PTPRR: variants seen among roughly 807,000 people sequenced by gnomAD.
PTPRR encodes receptor-type tyrosine-protein phosphatase R.
Under a neutral mutation model 77.2 loss-of-function variants are expected in PTPRR, and 38 were observed. The observed-to-expected ratio is 0.49, with a 90% CI of 0.38 to 0.65. The LOEUF (loss-of-function observed/expected upper bound fraction) is 0.65, where lower values mean the gene tolerates loss of function less well. Among genes scored for constraint, PTPRR ranks in the 30% least tolerant of loss-of-function variants. The probability of loss-of-function intolerance (pLI) is 0.00; values close to 1 mark genes in which losing one functional copy is unlikely to be tolerated. For missense variants in PTPRR, 744 were observed against 799.2 expected (o/e 0.93, Z 0.83); for synonymous variants, 299 against 283.1 (o/e 1.06, Z -0.57).
chr12:70,867,662 TCTTC>T (rs1892879683), intron 2 of PTPRR, among the ~76,000 whole-genome samples: 1 of 152,042 alleles, frequency 6.6e-6, no homozygotes, highest in East Asian at 1.9e-4. Flanking sequence ...CCAATGACTT[TCTTC>T]ACAGAATTGG....
intron 2 of PTPRR, among the ~76,000 whole-genome samples, chr12:70,831,259 T>C (rs1892207269): frequency 6.6e-6 from 1 of 152,232 alleles, no homozygotes; most frequent in South Asian, 2.1e-4. Context: ...TGAGTATTCA[T>C]TTTCATTTGT....
chr12:70,895,022 T>C (rs1893402547), intron 1 of PTPRR, among the ~76,000 whole-genome samples: 1 of 151,688 alleles, frequency 6.6e-6, no homozygotes, highest in African/African-American at 2.4e-5. Context: ...CTCATACTAT[T>C]ATATCGTGGA....
At chr12:70,757,326 A>G (rs1290492258) in intron 4 of PTPRR, among the ~76,000 whole-genome samples, 1 of 152,226 alleles carries the variant, frequency 6.6e-6, no homozygotes, top group Non-Finnish European at 1.5e-5. Context: ...ATTGAACAAC[A>G]ACAAAATTCC....
chr12:70,698,771 A>G (rs576948001), intron 7 of PTPRR, among the ~76,000 whole-genome samples: 8 of 152,206 alleles, frequency 5.3e-5, no homozygotes, highest in African/African-American at 1.9e-4. Flanking sequence ...ACTAATAGTG[A>G]CTCTTTTAGG....
At chr12:70,910,771 C>T (rs71454301) in intron 1 of PTPRR, among the ~76,000 whole-genome samples, 2,774 of 152,174 alleles carry the variant, frequency 0.018, 35 homozygotes, top group Non-Finnish European at 0.031. Flanking sequence ...AGAGACATGC[C>T]CAAATGCCCA....
At chr12:70,766,713 C>A (rs1466871648) in intron 2 of PTPRR, among the ~76,000 whole-genome samples, 1 of 151,312 alleles carries the variant, frequency 6.6e-6, no homozygotes, top group African/African-American at 2.4e-5. Context: ...ACATAATTGT[C>A]AGATTCACCA....
intron 6 of PTPRR, among the ~76,000 whole-genome samples, chr12:70,704,879 C>G (rs1298288912): frequency 1.3e-5 from 2 of 152,062 alleles, no homozygotes; most frequent in Non-Finnish European, 2.9e-5. Flanking sequence ...TTTATTTTGT[C>G]TTGGAACTGT....
intron 1 of PTPRR, among the ~76,000 whole-genome samples, chr12:70,903,860 T>C (rs1482701190): frequency 2.0e-5 from 3 of 151,890 alleles, no homozygotes; most frequent in Non-Finnish European, 4.4e-5. Flanking sequence ...AACTGGAATG[T>C]ATAAAGAACT....
At chr12:70,765,445 G>T (rs548552643) in intron 2 of PTPRR, among the ~76,000 whole-genome samples, 2 of 152,194 alleles carry the variant, frequency 1.3e-5, no homozygotes, top group Non-Finnish European at 1.5e-5. Flanking sequence ...CAAGGCAGCA[G>T]TGAGGCTGGG....
At chr12:70,853,414 T>C (rs533756982) in intron 2 of PTPRR, among the ~76,000 whole-genome samples, 196 of 152,310 alleles carry the variant, frequency 1.3e-3, no homozygotes, top group Non-Finnish European at 2.4e-3. Context: ...ACAACTAATA[T>C]GAAGAAAAAT....
chr12:70,784,484 G>GCC (rs1891278731), intron 2 of PTPRR, among the ~76,000 whole-genome samples: 1 of 152,170 alleles, frequency 6.6e-6, no homozygotes, highest in Non-Finnish European at 1.5e-5. Flanking sequence ...TCAGGGGCTA[G>GCC]CCAGAGCTCC....
intron 1 of PTPRR, among the ~76,000 whole-genome samples, chr12:70,912,764 A>C (rs1287661314): frequency 6.6e-6 from 1 of 152,196 alleles, no homozygotes; most frequent in Non-Finnish European, 1.5e-5. Flanking sequence ...GGCAAATATC[A>C]TTACTATAGT....
intron 6 of PTPRR, among the ~76,000 whole-genome samples, chr12:70,738,017 A>G (rs1565674942): frequency 6.6e-6 from 1 of 152,214 alleles, no homozygotes; most frequent in Admixed American, 6.5e-5. Flanking sequence ...CAGATACATC[A>G]GGACATTCTG....
At chr12:70,730,763 A>T (rs1227298070) in intron 6 of PTPRR, among the ~76,000 whole-genome samples, 1 of 151,802 alleles carries the variant, frequency 6.6e-6, no homozygotes, top group Non-Finnish European at 1.5e-5. Context: ...GTTTGAAGTT[A>T]CAGTGAGCTA....
chr12:70,857,804 G>A (rs181996792), intron 2 of PTPRR, among the ~76,000 whole-genome samples: 18 of 152,170 alleles, frequency 1.2e-4, no homozygotes, highest in Admixed American at 7.2e-4. Flanking sequence ...AACTTAGAAG[G>A]CAAGAACATA....
intron 2 of PTPRR, among the ~76,000 whole-genome samples, chr12:70,888,981 C>T (rs1893288224): frequency 6.6e-6 from 1 of 152,194 alleles, no homozygotes; most frequent in Non-Finnish European, 1.5e-5. Context: ...TCCTAGGGAT[C>T]TTAACTTTCT....
intron 2 of PTPRR, among the ~76,000 whole-genome samples, chr12:70,871,983 C>T (rs1487882528): frequency 6.6e-6 from 1 of 152,164 alleles, no homozygotes; most frequent in Non-Finnish European, 1.5e-5. Context: ...GAGTGGCTCT[C>T]TTGAGCCTGT....
intron 4 of PTPRR, chr12:70,754,768 C>G: frequency 2.0e-6 from 3 of 1,521,684 alleles, no homozygotes; most frequent in Non-Finnish European, 2.6e-6. Context: ...TTAATAAATA[C>G]AGCAACAATG....
At chr12:70,730,872 T>A (rs879665264) in intron 6 of PTPRR, among the ~76,000 whole-genome samples, 1 of 78,286 alleles carries the variant, frequency 1.3e-5, no homozygotes. Flanking sequence ...AGGAAGGAGA[T>A]AGAGAAAGAG....
Sources: allele counts gnomAD v4.1 joint callset (sites outside exome capture counted in the v4.1 genomes callset), GRCh38; gene constraint gnomAD v4.1.1; transcripts MANE v1.5; gene names NCBI Gene and HGNC (gene_info 2026-07-23, HGNC 2026-07-21).